AOPEP: variants seen among roughly 807,000 people sequenced by gnomAD.
The protein encoded by AOPEP is aminopeptidase O (putative).
A neutral mutation model predicts 98.1 loss-of-function variants in AOPEP; 77 were observed. The observed-to-expected ratio is 0.78, with a 90% CI of 0.65 to 0.95. The LOEUF (loss-of-function observed/expected upper bound fraction) is 0.95, where lower values mean the gene tolerates loss of function less well. Ranked by LOEUF, AOPEP falls within the 40% of genes least tolerant of loss-of-function variation. The pLI, the probability that AOPEP is intolerant of heterozygous loss-of-function variation, is 0.00. For missense variants in AOPEP, 1,024 were observed against 1,024.7 expected (o/e 1.00, Z 0.01); for synonymous variants, 346 against 365.3 (o/e 0.95, Z 0.60).
intron 7 of AOPEP, among the ~76,000 whole-genome samples, chr9:94,950,063 G>A (rs2057989268): frequency 6.6e-6 from 1 of 152,198 alleles, no homozygotes; most frequent in East Asian, 1.9e-4. Flanking sequence ...TGTGTGTGGT[G>A]TCATTAAAAC....
intron 5 of AOPEP, among the ~76,000 whole-genome samples, chr9:94,821,505 A>C (rs540854143): frequency 6.6e-6 from 1 of 152,344 alleles, no homozygotes; most frequent in Admixed American, 6.5e-5. Flanking sequence ...GAATACAGAG[A>C]AAGTGGAGTG....
chr9:95,086,523 G>A, intron 16 of AOPEP, 159 bp from the exon 17 acceptor site: 1 of 985,406 alleles, frequency 1.0e-6, no homozygotes, highest in Non-Finnish European at 1.2e-6. Flanking sequence ...ACGGCTCGCT[G>A]TGACCCGTCC....
At chr9:95,093,337 G>C in the AOPEP span, among the ~76,000 whole-genome samples, 1 of 152,138 alleles carries the variant, frequency 6.6e-6, no homozygotes. Context: ...ACTTTTTCTA[G>C]AAAATTCTGT....
chr9:94,969,415 CTT>C (rs574235712), intron 10 of AOPEP, among the ~76,000 whole-genome samples: 13 of 139,604 alleles, frequency 9.3e-5, no homozygotes, highest in Non-Finnish European at 7.9e-5. Flanking sequence ...AACATAATTT[CTT>C]TTTTTTTTTT....
At chr9:95,044,996 G>A (rs2065707775) in intron 13 of AOPEP, among the ~76,000 whole-genome samples, 1 of 152,156 alleles carries the variant, frequency 6.6e-6, no homozygotes. Flanking sequence ...GAAGAGGGTG[G>A]CCCATTTTAT....
intron 5 of AOPEP, among the ~76,000 whole-genome samples, chr9:94,814,320 C>A (rs1189951028): frequency 6.6e-6 from 1 of 152,190 alleles, no homozygotes; most frequent in Non-Finnish European, 1.5e-5. Context: ...TTTTAGACAG[C>A]CTCCTTTCAC....
intron 6 of AOPEP, among the ~76,000 whole-genome samples, chr9:94,926,544 G>A (rs958096818): frequency 4.6e-5 from 7 of 152,202 alleles, no homozygotes; most frequent in Non-Finnish European, 1.0e-4. Flanking sequence ...GAGCAAGTCC[G>A]CCAGGCTGAC....
chr9:95,075,497 C>G (rs1349314071), intron 14 of AOPEP, among the ~76,000 whole-genome samples: 1 of 152,102 alleles, frequency 6.6e-6, no homozygotes, highest in Non-Finnish European at 1.5e-5. Flanking sequence ...CAAAAACACT[C>G]AACAGATTAA....
At chr9:94,804,182 C>T (rs1475042432) in intron 5 of AOPEP, among the ~76,000 whole-genome samples, 3 of 152,072 alleles carry the variant, frequency 2.0e-5, no homozygotes, top group Non-Finnish European at 4.4e-5. Flanking sequence ...ACAGCAGTAA[C>T]GTTAATGGAA....
At chr9:94,862,861 T>C (rs751989143) in intron 5 of AOPEP, among the ~76,000 whole-genome samples, 3 of 152,200 alleles carry the variant, frequency 2.0e-5, no homozygotes, top group Non-Finnish European at 4.4e-5. Flanking sequence ...GACTTCTTTA[T>C]ATTCTCTCAT....
At chr9:95,125,181 C>T in the AOPEP span, 2 of 1,613,412 alleles carry the variant, frequency 1.2e-6, no homozygotes, top group Admixed American at 3.3e-5. Context: ...TCCAGGAGTG[C>T]ACACCTGAAC....
At chr9:94,940,429 A>C (rs1299366675) in intron 7 of AOPEP, among the ~76,000 whole-genome samples, 1 of 152,058 alleles carries the variant, frequency 6.6e-6, no homozygotes, top group East Asian at 1.9e-4. Context: ...AACATGGTGA[A>C]ACCCCATCTC....
chr9:94,851,021 TG>T (rs1266576929), intron 5 of AOPEP, among the ~76,000 whole-genome samples: 1 of 152,312 alleles, frequency 6.6e-6, no homozygotes, highest in African/African-American at 2.4e-5. Context: ...GGTACCAGCC[TG>T]GGGATGACAC....
intron 13 of AOPEP, among the ~76,000 whole-genome samples, chr9:95,041,752 C>G (rs1354103155): frequency 6.6e-6 from 1 of 152,030 alleles, no homozygotes; most frequent in East Asian, 1.9e-4. Flanking sequence ...CATGTTTGTC[C>G]TTTGTTTCAT....
intron 7 of AOPEP, among the ~76,000 whole-genome samples, chr9:94,936,838 C>T (rs1417217544): frequency 6.6e-6 from 1 of 152,192 alleles, no homozygotes; most frequent in African/African-American, 2.4e-5. Context: ...TTTGCTAGAG[C>T]AGCTGACAGA....
chr9:95,094,441 T>TC, the AOPEP span, among the ~76,000 whole-genome samples: 1 of 152,174 alleles, frequency 6.6e-6, no homozygotes, highest in Non-Finnish European at 1.5e-5. Context: ...CAGAACTTTT[T>TC]CATCTTCCCC....
At chr9:94,732,309 G>A (rs973003565) in intron 1 of AOPEP, among the ~76,000 whole-genome samples, 2 of 151,270 alleles carry the variant, frequency 1.3e-5, no homozygotes, top group Admixed American at 6.6e-5. Context: ...GTAAGAATGG[G>A]TACTAATTCC....
intron 7 of AOPEP, among the ~76,000 whole-genome samples, chr9:94,951,025 G>A (rs2058065610): frequency 6.6e-6 from 1 of 152,246 alleles, no homozygotes; most frequent in Non-Finnish European, 1.5e-5. Context: ...TGTGGTTGTG[G>A]TGGAAAAGGA....
At chr9:95,141,215 G>A in the AOPEP span, among the ~76,000 whole-genome samples, 3 of 147,656 alleles carry the variant, frequency 2.0e-5, no homozygotes, top group Non-Finnish European at 1.5e-5. Flanking sequence ...GGGAGGCTGA[G>A]GTCAAAGAAT....
Sources: allele counts gnomAD v4.1 joint callset (sites outside exome capture counted in the v4.1 genomes callset), GRCh38; gene constraint gnomAD v4.1.1; transcripts MANE v1.5; gene names NCBI Gene and HGNC (gene_info 2026-07-23, HGNC 2026-07-21).